Variants in PPM1H observed in about 807,000 individuals in gnomAD.
PPM1H encodes protein phosphatase, Mg2+/Mn2+ dependent 1H.
Under a neutral mutation model 54.9 loss-of-function variants are expected in PPM1H, and 27 were observed. That is an observed-to-expected ratio of 0.49 (90% CI 0.36 to 0.68). The LOEUF (loss-of-function observed/expected upper bound fraction) is 0.68. PPM1H is among the 30% of genes least tolerant of loss of function. The pLI is 0.00. For missense variants in PPM1H, 596 were observed against 667.8 expected, an observed-to-expected ratio of 0.89 and a Z score of 1.19; for synonymous variants, 305 against 270.8, an observed-to-expected ratio of 1.13 and a Z score of -1.24.
intron 9 of PPM1H, among the ~76,000 whole-genome samples, chr12:62,649,576 C>T (rs1326606292): frequency 3.3e-5 from 5 of 152,192 alleles, no homozygotes; most frequent in Non-Finnish European, 7.3e-5. Flanking sequence ...CTTAGTTCCA[C>T]TGGCAGGGTC....
intron 4 of PPM1H, among the ~76,000 whole-genome samples, chr12:62,771,045 G>GACACACACACACACACACACAC (rs71086630): frequency 2.3e-5 from 3 of 129,422 alleles, no homozygotes; most frequent in African/African-American, 9.0e-5. Context: ...AAAAGAAAAA[G>GACACACACACACACACACACAC]ACACACACAC....
intron 9 of PPM1H, among the ~76,000 whole-genome samples, chr12:62,660,121 A>T (rs2075875207): frequency 6.6e-6 from 1 of 152,216 alleles, no homozygotes; most frequent in Non-Finnish European, 1.5e-5. Flanking sequence ...TGGCATGACA[A>T]GATTAGAACA....
intron 1 of PPM1H, among the ~76,000 whole-genome samples, chr12:62,933,271 G>T (rs1181003407): frequency 6.6e-6 from 1 of 152,156 alleles, no homozygotes; most frequent in Non-Finnish European, 1.5e-5. Flanking sequence ...GAGAAGGAAA[G>T]GAGAATTAGA....
intron 6 of PPM1H, among the ~76,000 whole-genome samples, chr12:62,701,814 G>A (rs1334049614): frequency 1.3e-5 from 2 of 152,054 alleles, no homozygotes; most frequent in South Asian, 2.1e-4. Flanking sequence ...CAAGTCTGGC[G>A]TTCTCTGCTC....
chr12:62,821,821 A>G (rs920931095), intron 2 of PPM1H, among the ~76,000 whole-genome samples: 2 of 152,232 alleles, frequency 1.3e-5, no homozygotes, highest in African/African-American at 2.4e-5. Context: ...CAAATTGTAA[A>G]GACCTTCGGT....
intron 4 of PPM1H, among the ~76,000 whole-genome samples, chr12:62,763,415 G>A (rs1287665693): frequency 6.6e-6 from 1 of 152,208 alleles, no homozygotes; most frequent in Non-Finnish European, 1.5e-5. Flanking sequence ...AGTGGGAGCG[G>A]GCATCAGGAG....
chr12:62,869,522 C>T (rs577773821), intron 1 of PPM1H, among the ~76,000 whole-genome samples: 2 of 152,308 alleles, frequency 1.3e-5, no homozygotes, highest in East Asian at 3.9e-4. Context: ...CCACTAGACA[C>T]ACTGCCTCTA....
At chr12:62,923,743 G>T (rs143150459) in intron 1 of PPM1H, among the ~76,000 whole-genome samples, 3 of 152,070 alleles carry the variant, frequency 2.0e-5, no homozygotes, top group Non-Finnish European at 4.4e-5. Context: ...AAATAATTCC[G>T]AGTTATAATC....
At chr12:62,933,421 C>T (rs1872213926) in intron 1 of PPM1H, among the ~76,000 whole-genome samples, 1 of 152,040 alleles carries the variant, frequency 6.6e-6, no homozygotes, top group Admixed American at 6.6e-5. Flanking sequence ...CTGATTGGTT[C>T]CCGGACGAAC....
At chr12:62,801,781 TG>T in intron 3 of PPM1H, 34 bp downstream of exon 3, 1 of 1,608,174 alleles carries the variant, frequency 6.2e-7, no homozygotes, top group African/African-American at 1.3e-5. Context: ...GGCGCCAGCC[TG>T]GCCCTGCTGC....
intron 4 of PPM1H, among the ~76,000 whole-genome samples, chr12:62,767,054 C>T (rs1460615092): frequency 6.6e-6 from 1 of 152,234 alleles, no homozygotes; most frequent in South Asian, 2.1e-4. Flanking sequence ...AAGTTCAAGT[C>T]GAACCCTGCC....
At chr12:62,925,183 T>C (rs553277837) in intron 1 of PPM1H, among the ~76,000 whole-genome samples, 4 of 152,186 alleles carry the variant, frequency 2.6e-5, no homozygotes, top group African/African-American at 9.7e-5. Context: ...GGGGAAACTA[T>C]AGAAGTTGAA....
At chr12:62,883,881 C>T (rs1244788148) in intron 1 of PPM1H, among the ~76,000 whole-genome samples, 4 of 145,802 alleles carry the variant, frequency 2.7e-5, no homozygotes, top group Non-Finnish European at 5.9e-5. Context: ...GATTCTGTGT[C>T]ATTAGAAGAA....
intron 2 of PPM1H, among the ~76,000 whole-genome samples, chr12:62,820,619 A>G (rs551191): frequency 0.35 from 52,509 of 152,136 alleles, 11,658 homozygotes; most frequent in African/African-American, 0.63. Context: ...GTGATACCTA[A>G]GCAAATAGGG....
chr12:62,807,114 T>C (rs1235646228), intron 2 of PPM1H, among the ~76,000 whole-genome samples: 1 of 152,116 alleles, frequency 6.6e-6, no homozygotes, highest in Non-Finnish European at 1.5e-5. Context: ...GACTCAACCA[T>C]GGCCATGTGG....
intron 2 of PPM1H, among the ~76,000 whole-genome samples, chr12:62,825,507 G>T (rs2120832902): frequency 6.6e-6 from 1 of 152,304 alleles, no homozygotes; most frequent in Admixed American, 6.5e-5. Flanking sequence ...TGATAGACTG[G>T]ATTAAGAAAA....
chr12:62,912,624 T>C (rs1291361670), intron 1 of PPM1H, among the ~76,000 whole-genome samples: 1 of 152,184 alleles, frequency 6.6e-6, no homozygotes, highest in Non-Finnish European at 1.5e-5. Flanking sequence ...TAAGTCTGAA[T>C]CAATATACAG....
chr12:62,649,282 G>A (rs755767128), intron 9 of PPM1H, among the ~76,000 whole-genome samples: 22 of 151,158 alleles, frequency 1.5e-4, no homozygotes, highest in Non-Finnish European at 2.2e-4. Flanking sequence ...ACTTGTCAGC[G>A]TCACCCTCTC....
At chr12:62,655,617 A>C (rs2075839579) in intron 9 of PPM1H, among the ~76,000 whole-genome samples, 2 of 152,216 alleles carry the variant, frequency 1.3e-5, no homozygotes, top group African/African-American at 2.4e-5. Context: ...TAAGCATAAA[A>C]TATCCAAGAG....
Sources: allele counts gnomAD v4.1 joint callset (sites outside exome capture counted in the v4.1 genomes callset), GRCh38; gene constraint gnomAD v4.1.1; transcripts MANE v1.5; gene names NCBI Gene and HGNC (gene_info 2026-07-23, HGNC 2026-07-21).